FPGS: variants seen among roughly 807,000 people sequenced by gnomAD.
FPGS encodes the protein folylpolyglutamate synthase, also known as folylpolyglutamate synthase, mitochondrial.
Under a neutral mutation model 66.5 loss-of-function variants are expected in FPGS, and 53 were observed. The ratio of observed to expected loss-of-function variants is 0.80; its 90% CI spans 0.64 to 1.00. The LOEUF is 1.00. Among genes scored for constraint, FPGS ranks in the 50% least tolerant of loss-of-function variants. FPGS has a pLI of 0.00. For synonymous variants in FPGS, 348 were observed against 350.9 expected (o/e 0.99, Z 0.09); for missense variants, 702 against 807.7 (o/e 0.87, Z 1.59).
At chr9:127,814,225 TGAG>T (rs1337139170), downstream of FPGS, 3 of 896,930 alleles carry the variant, frequency 3.3e-6, no homozygotes, top group South Asian at 5.1e-5. Flanking sequence ...GTCTGTGAGA[TGAG>T]AAGAAGACCA....
intron 14 of FPGS, among the ~76,000 whole-genome samples, chr9:127,812,752 C>G (rs1035095594): frequency 6.6e-6 from 1 of 152,086 alleles, no homozygotes; most frequent in African/African-American, 2.4e-5. Context: ...ATCTTGAACT[C>G]TTGACCTCAG....
At chr9:127,806,906 C>G (rs1238573648) in intron 4 of FPGS, 67 bp from the exon 5 acceptor site, 29 of 1,189,668 alleles carry the variant, frequency 2.4e-5, no homozygotes, top group Non-Finnish European at 3.5e-5. Context: ...AGCATCAGTC[C>G]CTGCAGGGTG....
intron 13 of FPGS, 82 bp downstream of exon 13, chr9:127,810,188 C>T (rs1250919824): frequency 2.6e-5 from 31 of 1,173,518 alleles, no homozygotes; most frequent in Non-Finnish European, 3.8e-5. Flanking sequence ...GTGCCAATCC[C>T]CTCCCCCTTG....
chr9:127,813,291 C>T lies in FPGS; in HGVS notation c.1451C>T (p.Pro484Leu), dbSNP rs770532449. The T allele has an allele frequency of 4.6e-5, 74 of 1,613,000 alleles. No individual in the cohort carries two copies. The highest frequency in any genetic ancestry group is 1.6e-4 in the Middle Eastern group (1 of 6,084). The change falls in exon 15 of 15, where the codon CCG becomes CTG. Residue 484 changes from proline (P) to leucine (L), a missense_variant. Physicochemically the swap from Pro to Leu is moderately conservative, Grantham distance 98 (BLOSUM62 -3). Transcript: ENST00000373247. ...WNHLDEEQAS[P>L]DLWSAPSPEP... ...CACCTGGACGAAGAGCAGGCCAGCC[C>T]GGACCTCTGGAGTGCCCCCAGCCCA...
rs533380306 is a variant in FPGS, at chr9:127,809,137, C to T, written c.1060+248C>T. Among the ~76,000 whole-genome samples, 72 of 152,164 alleles carry T rather than the reference C, an allele frequency of 4.7e-4. No individual in the cohort carries two copies. In the South Asian group the frequency reaches 0.014, roughly 30 times the overall value. ...ACTGCCACGGGCTGTGGTGGGGATT[C>T]GCTGAGGTGACATCACTAAGGTGCT... On this transcript the variant is annotated intron_variant, in intron 11 of 14. Transcript: ENST00000373247.
intron 4 of FPGS, 42 bp from the exon 5 acceptor site, chr9:127,806,931 C>T (rs375027968): frequency 3.3e-5 from 49 of 1,487,570 alleles, no homozygotes; most frequent in East Asian, 9.0e-5. Context: ...AAGGCCAGGA[C>T]GCTCGGGAAG....
intron 13 of FPGS, among the ~76,000 whole-genome samples, 161 bp downstream of exon 13, chr9:127,810,267 G>A (rs1759609019): frequency 1.3e-5 from 2 of 152,146 alleles, no homozygotes; most frequent in South Asian, 4.1e-4. Flanking sequence ...GGGCCGTGGG[G>A]AGGCCAGTCA....
At position 127,803,007 on chromosome 9, in the gene FPGS, C is replaced by T. The variant is rs1406338103; in HGVS notation, c.83C>T (p.Ala28Val). ...SARGITTQVAARRGLSAWPVP... is the reference protein window; with the variant it reads ...SARGITTQVAVRRGLSAWPVP... ...CGCGGCATAACGACCCAGGTCGCGG[C>T]GCGGCGGGGCTTGAGCGCGTGGCCG... Residue 28 changes from alanine to valine, a missense_variant, in exon 1 of 15, where the codon GCG becomes GTG. This residue lies in a region of FPGS where 111 missense variants were observed against 95.4 expected (regional missense o/e 1.16). Coordinates refer to ENST00000373247, the MANE Select transcript of FPGS (RefSeq NM_004957.6). 2.0e-6 allele frequency: 3 copies of T among 1,465,602 alleles called. No homozygotes were observed. The South Asian group carries it at 4.0e-5, about 19-fold the overall frequency. 90.8% of individuals were successfully genotyped at this position (1,465,602 alleles called of 1,614,324 possible).
Position 127,808,663 on chromosome 9 carries a change from TTGCAGCTGGCCCACTGCTGGC to T in FPGS, c.935_955del (p.Leu312_Gln318del). 6.2e-7 allele frequency: 1 copy of T among 1,602,878 alleles called. No homozygotes were observed. The highest frequency in any genetic ancestry group is 8.5e-7 in the Non-Finnish European group (1 of 1,175,414). ...CCAGCGGTCCAACGCCGCCTTGGCC[TTGCAGCTGGCCCACTGCTGGC>T]TGCAGCGGCAGGACCGCCATGGTGA... On this transcript the variant is annotated inframe_deletion, in exon 10 of 15. Coordinates refer to ENST00000373247, the MANE Select transcript of FPGS (RefSeq NM_004957.6).
In FPGS at chr9:127,809,710, C is replaced by T; in HGVS notation, c.1087C>T (p.Arg363Trp). 1.3e-6 allele frequency: 2 copies of T among 1,588,588 alleles called. No individual in the cohort carries two copies. Among genetic ancestry groups the T allele is most frequent in the Non-Finnish European group, 1.7e-6 (2 of 1,175,248 alleles). The change falls in exon 12 of 15, where the codon CGG becomes TGG. Residue 363 changes from arginine (R) to tryptophan (W), a missense_variant. By Grantham distance (101) the Arg-to-Trp change is moderately radical. Transcript: ENST00000373247. The stretch of plus-strand genomic sequence containing the variant: ...GCTTCGGAACACGGAGTGGCCGGGC[C>T]GGACGCAGGTGCTGCGGCGCGGGCC... ...LGLRNTEWPG[R>W]TQVLRRGPLT... is the part of the protein sequence containing the mutation.
chr9:127,808,322 T>A lies in FPGS; in HGVS notation c.822+11T>A, dbSNP rs200345662. On this transcript the variant is annotated intron_variant, in intron 9 of 14. Coordinates refer to ENST00000373247, the MANE Select transcript of FPGS (RefSeq NM_004957.6). ...GCCCAGCAGATCTCAGTAAGTCTGA[T>A]TGGAATGGGGCAGCGGCAGGGTGGG... 2.5e-6 allele frequency: 4 copies of A among 1,611,134 alleles called. No homozygotes were observed. The highest frequency in any genetic ancestry group is 3.4e-6 in the Non-Finnish European group (4 of 1,177,466).
intron 14 of FPGS, 72 bp downstream of exon 14, chr9:127,811,083 T>A: frequency 1.2e-6 from 1 of 827,714 alleles, no homozygotes; most frequent in East Asian, 2.8e-5. Context: ...GCTTCCAAAC[T>A]GGAGGTTTGG....
chr9:127,813,469 C>T lies in FPGS; in HGVS notation c.1629C>T (p.Gly543=), dbSNP rs548854165. Residue 543 remains glycine, a synonymous_variant, in exon 15 of 15, where the codon GGC becomes GGT. Transcript: ENST00000373247. ...TCCAGCCACCTAGTCCCCCAAAGGGCCTCCTCACCCACCCTGTGGCTCACA... is the reference window on the plus strand; with the variant it reads ...TCCAGCCACCTAGTCCCCCAAAGGGTCTCCTCACCCACCCTGTGGCTCACA... ...PIFQPPSPPK[G]LLTHPVAHSG... is the part of the protein sequence containing the mutation. The T allele has an allele frequency of 6.2e-7, 1 of 1,613,046 alleles. No individual in the cohort carries two copies. The highest frequency in any genetic ancestry group is 2.2e-5 in the East Asian group (1 of 44,870).
At chr9:127,804,835 C>T in intron 4 of FPGS, 135 bp downstream of exon 4, 1 of 794,824 alleles carries the variant, frequency 1.3e-6, no homozygotes, top group Non-Finnish European at 2.2e-6. Flanking sequence ...TTTATTCATT[C>T]AATAAACATT....
At chr9:127,809,983 G>C (rs750787998) in intron 12 of FPGS, 48 bp from the exon 13 acceptor site, 1 of 1,561,810 alleles carries the variant, frequency 6.4e-7, no homozygotes, top group South Asian at 1.2e-5. Context: ...TGGTACCGCA[G>C]GGAGAACGGG....
Position 127,809,932 on chromosome 9 carries a change from G to A in FPGS, c.1211+98G>A, listed in dbSNP as rs1679757369. ...CGGGGTCGTGGGGAAGGGCGGGGGC[G>A]GGCCCATGGGGAGGGGCGGGGTCGT... On this transcript the variant is annotated intron_variant, in intron 12 of 14. Coordinates refer to ENST00000373247, the MANE Select transcript of FPGS (RefSeq NM_004957.6). The A allele has an allele frequency of 3.4e-6, 3 of 878,892 alleles. No homozygotes were observed. In the African/African-American group the frequency reaches 5.4e-5, roughly 16 times the overall value. The allele number at this position is 878,892 out of a possible 1,614,324, so 54.4% of individuals were successfully genotyped here. A position where few individuals can be genotyped will look rare whatever the true frequency, so the allele number is the denominator to read the frequency against.
chr9:127,803,746 T>G (rs998672590), intron 1 of FPGS, among the ~76,000 whole-genome samples: 48 of 152,214 alleles, frequency 3.2e-4, no homozygotes, highest in African/African-American at 1.1e-3. Context: ...ACTTCCATTG[T>G]GAACCCTCCT....
downstream of FPGS, chr9:127,814,184 T>TC: frequency 4.1e-6 from 4 of 983,750 alleles, no homozygotes; most frequent in Non-Finnish European, 4.8e-6. Flanking sequence ...CTGGAACAAG[T>TC]CCCTCCCTCC....
At chr9:127,808,211 C>T in intron 8 of FPGS, 23 bp from the exon 9 acceptor site, 2 of 1,599,684 alleles carry the variant, frequency 1.3e-6, no homozygotes, top group East Asian at 4.5e-5. Context: ...GTAGCCCTTT[C>T]TCTCTCCTTC....
Sources: gnomAD v4.1 joint callset for allele counts (sites outside exome capture counted in the v4.1 genomes callset) on GRCh38, gnomAD v4.1.1 for gene constraint, gnomAD v4.1.1 regional missense constraint, MANE v1.5 for transcripts, NCBI Gene and HGNC (gene_info 2026-07-23, HGNC 2026-07-21) for gene names.